The following UBAC2 variants were observed in gnomAD, a reference collection of about 807,000 sequenced individuals.
UBAC2 encodes the protein UBA domain containing 2.
UBAC2 carries 26 observed loss-of-function variants against 44.0 expected under a neutral mutation model. The ratio of observed to expected loss-of-function variants is 0.59; its 90% CI spans 0.43 to 0.82. The LOEUF is 0.82. Among genes scored for constraint, UBAC2 ranks in the 40% least tolerant of loss-of-function variants. The probability of loss-of-function intolerance (pLI) is 0.00; values close to 1 mark genes in which losing one functional copy is unlikely to be tolerated. For synonymous variants in UBAC2, 155 were observed against 154.3 expected (o/e 1.00, Z -0.04); for missense variants, 329 against 419.4 (o/e 0.78, Z 1.88).
At chr13:99,263,747 C>T (rs945987054) in intron 4 of UBAC2, among the ~76,000 whole-genome samples, 2 of 152,148 alleles carry the variant, frequency 1.3e-5, no homozygotes, top group Non-Finnish European at 2.9e-5. Context: ...GAATGTTCAA[C>T]TATAGCATGA....
chr13:99,242,795 G>A (rs1176950516), intron 2 of UBAC2, among the ~76,000 whole-genome samples: 1 of 145,872 alleles, frequency 6.9e-6, no homozygotes, highest in South Asian at 2.2e-4. Context: ...CTTCCCAGAC[G>A]GGGTGGCTGC....
At chr13:99,303,681 T>C (rs1176960179) in intron 4 of UBAC2, among the ~76,000 whole-genome samples, 2 of 152,228 alleles carry the variant, frequency 1.3e-5, no homozygotes, top group Admixed American at 1.3e-4. Flanking sequence ...ATATTTCTCC[T>C]CTGAGTCCTG....
chr13:99,270,073 C>T (rs1451473378), intron 4 of UBAC2, among the ~76,000 whole-genome samples: 1 of 152,182 alleles, frequency 6.6e-6, no homozygotes, highest in Non-Finnish European at 1.5e-5. Flanking sequence ...TTAAACACCA[C>T]TGGTATAGCA....
chr13:99,366,927 G>A (rs1375589380), intron 7 of UBAC2, among the ~76,000 whole-genome samples: 1 of 152,116 alleles, frequency 6.6e-6, no homozygotes, highest in Non-Finnish European at 1.5e-5. Flanking sequence ...GCATTTTTAG[G>A]TGTTTGTAGT....
rs570499732 is a variant in UBAC2, at chr13:99,237,685, T to G, written c.32-742T>G. Among the ~76,000 whole-genome samples, 3 of 152,368 alleles carry G rather than the reference T, an allele frequency of 2.0e-5. No homozygotes were observed. In the East Asian group the frequency reaches 5.8e-4, roughly 29 times the overall value. ...AGATAATTACCCGGGCTGGGTGCCGTGGCCCATGCCTGTAATCCCAGCACT... is the reference window on the plus strand; with the variant it reads ...AGATAATTACCCGGGCTGGGTGCCGGGGCCCATGCCTGTAATCCCAGCACT... On this transcript the variant is annotated intron_variant, in intron 1 of 8. Transcript: ENST00000403766.
At chr13:99,290,595 G>A (rs1325056051) in intron 4 of UBAC2, among the ~76,000 whole-genome samples, 2 of 151,770 alleles carry the variant, frequency 1.3e-5, no homozygotes, top group African/African-American at 4.8e-5. Flanking sequence ...TGCAGTGGTG[G>A]GCACCTGTAA....
At chr13:99,298,942 T>A (rs2044216924) in intron 4 of UBAC2, among the ~76,000 whole-genome samples, 1 of 152,232 alleles carries the variant, frequency 6.6e-6, no homozygotes, top group African/African-American at 2.4e-5. Context: ...TGAAAATGTA[T>A]TTTTTTCCAA....
Position 99,385,174 on chromosome 13 carries a change from G to A in UBAC2, c.928-54G>A. On this transcript the variant is annotated intron_variant, in intron 8 of 8. Coordinates refer to ENST00000403766, the MANE Select transcript of UBAC2 (RefSeq NM_001144072.2). ...TCACATGAAGAACATTTGGGGCCCAGGGATAAGCGGCAATGTCAGCGCCCT... is the reference window on the plus strand; with the variant it reads ...TCACATGAAGAACATTTGGGGCCCAAGGATAAGCGGCAATGTCAGCGCCCT... 3 of 1,341,364 alleles carry A rather than the reference G, an allele frequency of 2.2e-6. No homozygotes were observed. In the Admixed American group the frequency reaches 5.0e-5, roughly 23 times the overall value. The allele number at this position is 1,341,364 out of a possible 1,614,324, so 83.1% of individuals were successfully genotyped here.
At chr13:99,207,762 T>C (rs2142645400) in intron 1 of UBAC2, among the ~76,000 whole-genome samples, 1 of 152,242 alleles carries the variant, frequency 6.6e-6, no homozygotes, top group Middle Eastern at 3.4e-3. Context: ...GTGGGGTCAT[T>C]TGAGGCCTGC....
chr13:99,383,471 C>T (rs1037123189), intron 8 of UBAC2, among the ~76,000 whole-genome samples: 1 of 152,238 alleles, frequency 6.6e-6, no homozygotes, highest in Non-Finnish European at 1.5e-5. Flanking sequence ...TGCCTTTGCT[C>T]TACGCTGTCC....
intron 7 of UBAC2, among the ~76,000 whole-genome samples, chr13:99,345,146 T>TAAAAAGGAGAGACCTC (rs1377239166): frequency 6.6e-6 from 1 of 151,816 alleles, no homozygotes; most frequent in African/African-American, 2.4e-5. Flanking sequence ...AATGAGACCT[T>TAAAAAGGAGAGACCTC]AAAAAGGAGA....
chr13:99,237,271 T>TATACCCACAC (rs374683969), intron 1 of UBAC2, among the ~76,000 whole-genome samples: 1 of 144,928 alleles, frequency 6.9e-6, no homozygotes, highest in Non-Finnish European at 1.5e-5. Flanking sequence ...TATATATATA[T>TATACCCACAC]ACACACACAC....
intron 2 of UBAC2, 89 bp downstream of exon 2, chr13:99,238,643 C>T: frequency 8.6e-7 from 1 of 1,157,038 alleles, no homozygotes; most frequent in African/African-American, 1.6e-5. Context: ...GCTGTTAGTC[C>T]CTCAAAGCCC....
chr13:99,232,456 A>T (rs1294700540), intron 1 of UBAC2, among the ~76,000 whole-genome samples: 1 of 146,608 alleles, frequency 6.8e-6, no homozygotes, highest in African/African-American at 2.5e-5. Context: ...AAAAGAAAAA[A>T]AAAAATCTTC....
At chr13:99,302,486 T>C (rs2044270150) in intron 4 of UBAC2, among the ~76,000 whole-genome samples, 1 of 152,244 alleles carries the variant, frequency 6.6e-6, no homozygotes, top group Admixed American at 6.5e-5. Flanking sequence ...CTTCCTCTGG[T>C]TACCTGGTTT....
At chr13:99,366,249 C>T (rs748944354) in intron 7 of UBAC2, among the ~76,000 whole-genome samples, 8 of 152,078 alleles carry the variant, frequency 5.3e-5, no homozygotes, top group Non-Finnish European at 1.2e-4. Context: ...TTTTCAGATC[C>T]TCCTATATTC....
chr13:99,353,302 T>C (rs1363361459), intron 7 of UBAC2, among the ~76,000 whole-genome samples: 3 of 152,278 alleles, frequency 2.0e-5, no homozygotes, highest in Admixed American at 6.5e-5. Context: ...TGTACCTCCT[T>C]GCAGAAGCTA....
At chr13:99,366,173 A>G (rs1255980393) in intron 7 of UBAC2, among the ~76,000 whole-genome samples, 3 of 151,926 alleles carry the variant, frequency 2.0e-5, no homozygotes, top group African/African-American at 7.3e-5. Context: ...GTTTTTTCTC[A>G]TAATACCTTA....
intron 8 of UBAC2, chr13:99,377,075 C>T (rs2045490383): frequency 6.6e-6 from 1 of 152,384 alleles, no homozygotes; most frequent in African/African-American, 2.4e-5. Context: ...GTCCTACCAG[C>T]ATTCTCATTT....
Sources: allele counts gnomAD v4.1 joint callset (sites outside exome capture counted in the v4.1 genomes callset), GRCh38; gene constraint gnomAD v4.1.1; transcripts MANE v1.5; gene names NCBI Gene and HGNC (gene_info 2026-07-23, HGNC 2026-07-21).